The following ROBO1 variants were observed in gnomAD, a reference collection of about 807,000 sequenced individuals.
ROBO1 encodes roundabout homolog 1.
Under a neutral mutation model 195.9 loss-of-function variants are expected in ROBO1, and 149 were observed. The observed-to-expected ratio is 0.76, with a 90% CI of 0.67 to 0.87. The LOEUF (loss-of-function observed/expected upper bound fraction) is 0.87. Among genes scored for constraint, ROBO1 ranks in the 40% least tolerant of loss-of-function variants. The pLI is 0.00. For synonymous variants in ROBO1, 816 were observed against 733.2 expected (o/e 1.11, Z -1.82); for missense variants, 1,933 against 2,068.3 (o/e 0.93, Z 1.27).
chr3:79,435,456 C>A (rs1482662079), intron 2 of ROBO1, among the ~76,000 whole-genome samples: 1 of 152,064 alleles, frequency 6.6e-6, no homozygotes, highest in Non-Finnish European at 1.5e-5. Flanking sequence ...ACTGTATGCA[C>A]GTTATTCATT....
chr3:78,789,287 T>C (rs1303831449), intron 4 of ROBO1, among the ~76,000 whole-genome samples: 10 of 152,192 alleles, frequency 6.6e-5, no homozygotes, highest in African/African-American at 7.2e-5. Context: ...ATATTGATAA[T>C]AGCATTCTCA....
At chr3:79,493,865 C>T (rs1939595934) in intron 2 of ROBO1, among the ~76,000 whole-genome samples, 1 of 152,050 alleles carries the variant, frequency 6.6e-6, no homozygotes, top group South Asian at 2.1e-4. Context: ...AGTGATACTG[C>T]CTCAGTTATT....
chr3:78,628,307 C>A (rs2107486048), intron 25 of ROBO1, among the ~76,000 whole-genome samples: 1 of 152,336 alleles, frequency 6.6e-6, no homozygotes, highest in African/African-American at 2.4e-5. Context: ...GGAGGTCAAC[C>A]TGTTCAGTCC....
At chr3:78,640,919 C>A (rs368608783) in intron 21 of ROBO1, among the ~76,000 whole-genome samples, 13 of 152,226 alleles carry the variant, frequency 8.5e-5, no homozygotes, top group African/African-American at 2.9e-4. Flanking sequence ...ATTTCACCTT[C>A]CATGGTTCTT....
At chr3:78,940,379 C>G (rs1159402527) in intron 3 of ROBO1, among the ~76,000 whole-genome samples, 1 of 152,194 alleles carries the variant, frequency 6.6e-6, no homozygotes, top group Non-Finnish European at 1.5e-5. Flanking sequence ...GGGTTGTCCT[C>G]TACTTCAGTG....
At chr3:78,799,442 C>A (rs924043780) in intron 4 of ROBO1, among the ~76,000 whole-genome samples, 1 of 151,750 alleles carries the variant, frequency 6.6e-6, no homozygotes, top group Non-Finnish European at 1.5e-5. Context: ...CCCGGGTTCA[C>A]GCCATTCTCC....
At chr3:79,193,560 TA>T (rs2081578277) in intron 2 of ROBO1, among the ~76,000 whole-genome samples, 2 of 149,374 alleles carry the variant, frequency 1.3e-5, no homozygotes, top group African/African-American at 4.9e-5. Flanking sequence ...CCTTGTATTT[TA>T]CGCCAAGGAT....
intron 3 of ROBO1, among the ~76,000 whole-genome samples, chr3:79,052,618 A>AC (rs2078723139): frequency 6.6e-6 from 1 of 151,982 alleles, no homozygotes; most frequent in African/African-American, 2.4e-5. Flanking sequence ...ATGTGATGTC[A>AC]CCCCCAGAGA....
chr3:78,886,502 G>A (rs989778845), intron 4 of ROBO1, among the ~76,000 whole-genome samples: 1 of 152,086 alleles, frequency 6.6e-6, no homozygotes, highest in Admixed American at 6.6e-5. Flanking sequence ...GCTGAGGCAG[G>A]AGAATCACTT....
rs542354770 is a variant in ROBO1, at chr3:79,414,002, C to A, written c.88+175822G>T. On this transcript the variant is annotated intron_variant, in intron 2 of 30. Transcript: ENST00000464233. ...AAAAAAGCATGAACTTCCAGTCTGT[C>A]GACCTTTTTATTTACTTTCTCCTCG... Among the ~76,000 whole-genome samples, 9 of 152,158 alleles carry A rather than the reference C, an allele frequency of 5.9e-5. No homozygotes were observed. The South Asian group carries it at 6.2e-4, about 11-fold the overall frequency.
intron 2 of ROBO1, among the ~76,000 whole-genome samples, chr3:79,283,351 A>G (rs1220459880): frequency 1.3e-5 from 2 of 152,200 alleles, no homozygotes; most frequent in Non-Finnish European, 2.9e-5. Flanking sequence ...AAATCTGTAC[A>G]TGTACCTCCT....
chr3:79,327,389 T>A (rs371247809), intron 2 of ROBO1, among the ~76,000 whole-genome samples: 6 of 152,052 alleles, frequency 3.9e-5, no homozygotes. Flanking sequence ...AAAAAGACTT[T>A]AGAGAATACA....
At chr3:78,877,018 A>G (rs2035890942) in intron 4 of ROBO1, among the ~76,000 whole-genome samples, 2 of 152,182 alleles carry the variant, frequency 1.3e-5, no homozygotes, top group South Asian at 2.1e-4. Flanking sequence ...TGCACATTCA[A>G]TAGGACATAA....
intron 1 of ROBO1, among the ~76,000 whole-genome samples, chr3:79,659,677 G>A (rs535202708): frequency 3.3e-5 from 5 of 152,088 alleles, no homozygotes; most frequent in South Asian, 2.1e-4. Context: ...ACTATTGTTC[G>A]GTAATTGGAT....
intron 21 of ROBO1, among the ~76,000 whole-genome samples, chr3:78,645,015 C>T (rs531459197): frequency 6.6e-6 from 1 of 152,032 alleles, no homozygotes; most frequent in South Asian, 2.1e-4. Flanking sequence ...GATGGAATTC[C>T]CCTGGATGCA....
At chr3:79,225,419 A>G (rs2605165) in intron 2 of ROBO1, among the ~76,000 whole-genome samples, 1 of 152,166 alleles carries the variant, frequency 6.6e-6, no homozygotes, top group Admixed American at 6.5e-5. Flanking sequence ...TATCCCTTAA[A>G]CCAGTCCTAT....
chr3:79,558,093 TAC>T (rs1195009867), intron 2 of ROBO1, among the ~76,000 whole-genome samples: 1 of 152,176 alleles, frequency 6.6e-6, no homozygotes, highest in African/African-American at 2.4e-5. Context: ...TTCATTCTAG[TAC>T]AGTTGAGCCT....
At position 79,351,226 on chromosome 3, in the gene ROBO1, G is replaced by A. The variant is rs954115847; in HGVS notation, c.89-225687C>T. ...GCTTTATAGTTTTATGTTGCTTCAGGCACTTCAAATATATTATCTGACTTG... is the reference window on the plus strand; with the variant it reads ...GCTTTATAGTTTTATGTTGCTTCAGACACTTCAAATATATTATCTGACTTG... On this transcript the variant is annotated intron_variant, in intron 2 of 30. Coordinates refer to ENST00000464233, the MANE Select transcript of ROBO1 (RefSeq NM_002941.4). 4.6e-5 allele frequency among the ~76,000 whole-genome samples: 7 copies of A among 152,178 alleles called. No homozygotes were observed. The East Asian group carries it at 1.2e-3, about 25-fold the overall frequency.
At chr3:78,944,798 C>G (rs1358876125) in intron 3 of ROBO1, among the ~76,000 whole-genome samples, 1 of 152,166 alleles carries the variant, frequency 6.6e-6, no homozygotes, top group Non-Finnish European at 1.5e-5. Flanking sequence ...CCTGGAAAAT[C>G]GGGTCACTCC....
Sources: gnomAD v4.1 joint callset for allele counts (sites outside exome capture counted in the v4.1 genomes callset) on GRCh38, gnomAD v4.1.1 for gene constraint, MANE v1.5 for transcripts, NCBI Gene and HGNC (gene_info 2026-07-23, HGNC 2026-07-21) for gene names.